Variants in OPHN1 observed in about 807,000 individuals in gnomAD.
OPHN1 encodes the protein oligophrenin 1, also known as oligophrenin-1.
In OPHN1, 11 loss-of-function variants were observed where a neutral mutation model predicts 60.7. That is an observed-to-expected ratio of 0.18 (90% CI 0.11 to 0.30). The LOEUF is 0.30. Among genes scored for constraint, OPHN1 ranks in the 10% least tolerant of loss-of-function variants. The probability of loss-of-function intolerance (pLI) is 1.00; values close to 1 mark genes in which losing one functional copy is unlikely to be tolerated. For missense variants in OPHN1, 449 were observed against 611.0 expected (o/e 0.73, Z 2.80); for synonymous variants, 226 against 222.6 (o/e 1.02, Z -0.14).
chrX:68,230,067 G>GA lies in OPHN1; in HGVS notation c.486+4419dup, dbSNP rs768480380. 8.9e-5 allele frequency among the ~76,000 whole-genome samples: 10 copies of GA among 111,961 alleles called. No individual in the cohort carries two copies. The South Asian group carries it at 2.9e-3, about 33-fold the overall frequency. ...ACAAAGAACTTAAACAAATTTACAA[G>GA]AAAAAATCAAACAACCCCATCAAAA... On this transcript the variant is annotated intron_variant, in intron 6 of 24. Coordinates refer to ENST00000355520, the MANE Select transcript of OPHN1 (RefSeq NM_002547.3).
chrX:68,079,917 T>C lies in OPHN1; in HGVS notation c.1687-6618A>G, dbSNP rs149577319. 1.3e-3 allele frequency among the ~76,000 whole-genome samples: 144 copies of C among 111,616 alleles called. 4 individuals are homozygous for C. In the East Asian group the frequency reaches 0.037, roughly 28 times the overall value. On this transcript the variant is annotated intron_variant, in intron 19 of 24. Transcript: ENST00000355520. ...TTCTATCAATTATACTTCCTTAATGTCTCTCTAATCTGTCCCCTCTGCTCA... is the reference window on the plus strand; with the variant it reads ...TTCTATCAATTATACTTCCTTAATGCCTCTCTAATCTGTCCCCTCTGCTCA...
rs1324360328 is a variant in OPHN1, at chrX:68,163,679, C to T, written c.1276+29240G>A. Among the ~76,000 whole-genome samples, 15 of 111,052 alleles carry T rather than the reference C, an allele frequency of 1.4e-4. No homozygotes were observed. In the Admixed American group the frequency reaches 1.4e-3, roughly 11 times the overall value. The stretch of plus-strand genomic sequence containing the variant: ...ATGTTCATACTATTTTCCACAGTGG[C>T]TGTACTAATCTACCTTCCTACCAAC... On this transcript the variant is annotated intron_variant, in intron 15 of 24. Transcript: ENST00000355520.
chrX:68,312,938 C>T (rs1374106532), intron 2 of OPHN1, among the ~76,000 whole-genome samples: 2 of 110,581 alleles, frequency 1.8e-5, no homozygotes, highest in African/African-American at 6.6e-5. Context: ...AGACTCATAT[C>T]CACCAAAAAA....
At chrX:68,263,106 T>C (rs2077903013) in intron 5 of OPHN1, among the ~76,000 whole-genome samples, 1 of 112,066 alleles carries the variant, frequency 8.9e-6, no homozygotes, top group African/African-American at 3.2e-5. Flanking sequence ...TCAATGCCAC[T>C]TGAAGAAGTT....
chrX:68,131,933 G>A (rs141016351), intron 15 of OPHN1, among the ~76,000 whole-genome samples: 6,914 of 111,995 alleles, frequency 0.062, 248 homozygotes, highest in Non-Finnish European at 0.096. Flanking sequence ...AGTCCATTCC[G>A]CATGGAAAAT....
intron 19 of OPHN1, among the ~76,000 whole-genome samples, chrX:68,078,685 A>G (rs2076962611): frequency 9.0e-6 from 1 of 111,248 alleles, no homozygotes; most frequent in Non-Finnish European, 1.9e-5. Flanking sequence ...AAGGGAGGTC[A>G]TTAGAAGTAA....
At chrX:68,061,770 T>A (rs2076893958) in intron 21 of OPHN1, among the ~76,000 whole-genome samples, 1 of 111,695 alleles carries the variant, frequency 9.0e-6, no homozygotes, top group Non-Finnish European at 1.9e-5. Context: ...AGTGATCACA[T>A]CAGCATCAGT....
At chrX:68,065,876 C>A (rs1293774551) in intron 20 of OPHN1, among the ~76,000 whole-genome samples, 1 of 112,292 alleles carries the variant, frequency 8.9e-6, no homozygotes, top group African/African-American at 3.2e-5. Flanking sequence ...GTCCCCTAGA[C>A]AGTTTTATTC....
At chrX:68,197,133 C>T (rs371682481) in intron 12 of OPHN1, 53 bp downstream of exon 12, 3 of 852,937 alleles carry the variant, frequency 3.5e-6, no homozygotes, top group Non-Finnish European at 5.3e-6. Flanking sequence ...CACTAGAGGG[C>T]ACTCATACAC....
intron 6 of OPHN1, among the ~76,000 whole-genome samples, chrX:68,224,722 G>GA (rs1238002118): frequency 1.8e-5 from 2 of 112,024 alleles, no homozygotes; most frequent in African/African-American, 6.5e-5. Flanking sequence ...CAGAAAATAA[G>GA]AAAAAATAAA....
intron 19 of OPHN1, among the ~76,000 whole-genome samples, chrX:68,095,025 A>G (rs1395643999): frequency 1.8e-5 from 2 of 111,566 alleles, no homozygotes; most frequent in African/African-American, 3.3e-5. Flanking sequence ...TTAAAATTGC[A>G]AAACCACTTT....
chrX:68,309,901 T>A (rs146950266), intron 2 of OPHN1, among the ~76,000 whole-genome samples: 2,350 of 111,757 alleles, frequency 0.021, 73 homozygotes, highest in African/African-American at 0.072. Flanking sequence ...AGAAAACAAG[T>A]AGGTGCTAGA....
chrX:68,206,726 G>T, intron 9 of OPHN1, 53 bp from the exon 10 acceptor site: 1 of 910,853 alleles, frequency 1.1e-6, no homozygotes, highest in Non-Finnish European at 1.6e-6. Flanking sequence ...AGCTGTATAG[G>T]AAGTCAACCC....
Position 68,307,455 on chromosome X carries a change from C to CA in OPHN1, c.155-8360dup, listed in dbSNP as rs755589727. The stretch of plus-strand genomic sequence containing the variant: ...TGGGTGACAGAGCGAGACCCTATGT[C>CA]AACAAAAAAAAAAAAAAAGGAATTT... On this transcript the variant is annotated intron_variant, in intron 2 of 24. Coordinates refer to ENST00000355520, the MANE Select transcript of OPHN1 (RefSeq NM_002547.3). 6.5e-3 allele frequency among the ~76,000 whole-genome samples: 546 copies of CA among 83,552 alleles called. 12 individuals are homozygous for CA. Among genetic ancestry groups the CA allele is most frequent in the African/African-American group, 0.023 (518 of 22,043 alleles). The allele number at this position is 83,552 out of a possible 115,157, so 72.6% of individuals were successfully genotyped here.
chrX:68,087,144 G>A (rs2076998696), intron 19 of OPHN1, among the ~76,000 whole-genome samples: 1 of 112,456 alleles, frequency 8.9e-6, no homozygotes, highest in Non-Finnish European at 1.9e-5. Flanking sequence ...GTCTCTGATA[G>A]TGACTTCAGA....
chrX:68,262,088 A>C (rs895593898), intron 5 of OPHN1, among the ~76,000 whole-genome samples: 2 of 112,069 alleles, frequency 1.8e-5, no homozygotes, highest in African/African-American at 6.5e-5. Flanking sequence ...CAGTACAAGA[A>C]GTAAAATGGT....
At chrX:68,323,574 G>T (rs1036115985) in intron 2 of OPHN1, among the ~76,000 whole-genome samples, 27 of 111,679 alleles carry the variant, frequency 2.4e-4, no homozygotes, top group African/African-American at 8.8e-4. Context: ...TTTCATGAGG[G>T]CAAAGATTTT....
intron 15 of OPHN1, 62 bp downstream of exon 15, chrX:68,192,857 G>T: frequency 1.1e-6 from 1 of 897,754 alleles, no homozygotes; most frequent in Non-Finnish European, 1.6e-6. Context: ...TTCTCTTCCA[G>T]TCACATTTCT....
At chrX:68,267,836 A>G (rs1328586465) in intron 5 of OPHN1, among the ~76,000 whole-genome samples, 1 of 111,966 alleles carries the variant, frequency 8.9e-6, no homozygotes, top group Non-Finnish European at 1.9e-5. Context: ...ATGCAACAAA[A>G]AATGATAAAG....
Sources: gnomAD v4.1 joint callset for allele counts (sites outside exome capture counted in the v4.1 genomes callset) on GRCh38, gnomAD v4.1.1 for gene constraint, MANE v1.5 for transcripts, NCBI Gene and HGNC (gene_info 2026-07-23, HGNC 2026-07-21) for gene names.